The following CTNNA3 variants were observed in gnomAD, a reference collection of about 807,000 sequenced individuals.
The protein encoded by CTNNA3 is catenin alpha-3.
In CTNNA3, 76 loss-of-function variants were observed where a neutral mutation model predicts 95.7. The ratio of observed to expected loss-of-function variants is 0.79; its 90% CI spans 0.66 to 0.96. The LOEUF is 0.96. Ranked by LOEUF, CTNNA3 falls within the 40% of genes least tolerant of loss-of-function variation. The pLI, the probability that CTNNA3 is intolerant of heterozygous loss-of-function variation, is 0.00. For synonymous variants in CTNNA3, 431 were observed against 374.4 expected, an observed-to-expected ratio of 1.15 and a Z score of -1.74; for missense variants, 1,191 against 1,089.8, an observed-to-expected ratio of 1.09 and a Z score of -1.31.
At chr10:66,315,774 A>G (rs1343846170) in intron 12 of CTNNA3, among the ~76,000 whole-genome samples, 1 of 152,114 alleles carries the variant, frequency 6.6e-6, no homozygotes, top group Non-Finnish European at 1.5e-5. Context: ...AACAAAGGTA[A>G]CAAGTTTATT....
intron 12 of CTNNA3, among the ~76,000 whole-genome samples, chr10:66,300,938 A>T (rs2091853240): frequency 6.6e-6 from 1 of 152,014 alleles, no homozygotes; most frequent in Non-Finnish European, 1.5e-5. Context: ...TAGCCAGGTT[A>T]ACTAAAAAAA....
At chr10:65,993,633 C>G (rs1268684013) in intron 15 of CTNNA3, among the ~76,000 whole-genome samples, 1 of 152,130 alleles carries the variant, frequency 6.6e-6, no homozygotes, top group African/African-American at 2.4e-5. Flanking sequence ...TTCTATATGT[C>G]TTTACAAGTG....
intron 11 of CTNNA3, among the ~76,000 whole-genome samples, chr10:66,470,443 C>T (rs1473812353): frequency 3.3e-5 from 5 of 151,760 alleles, no homozygotes; most frequent in Non-Finnish European, 7.4e-5. Context: ...GTCAATCTGC[C>T]TGTTGTGCTT....
intron 11 of CTNNA3, among the ~76,000 whole-genome samples, chr10:66,506,944 C>T (rs1840469202): frequency 6.6e-6 from 1 of 152,042 alleles, no homozygotes; most frequent in African/African-American, 2.4e-5. Context: ...TATTGGTCAT[C>T]TTTTATCCCA....
intron 1 of CTNNA3, among the ~76,000 whole-genome samples, chr10:67,747,050 C>T (rs2131744852): frequency 6.6e-6 from 1 of 152,346 alleles, no homozygotes; most frequent in East Asian, 1.9e-4. Flanking sequence ...GACCCTGACA[C>T]ATCCCTCCTC....
chr10:66,233,665 G>T (rs1402603468), intron 13 of CTNNA3, among the ~76,000 whole-genome samples: 2 of 143,716 alleles, frequency 1.4e-5, no homozygotes, highest in African/African-American at 2.5e-5. Flanking sequence ...ATCATTGAGT[G>T]TTGGCCAAAA....
At chr10:65,965,393 CTTTTTTTTTTTTTT>C (rs561552884) in intron 17 of CTNNA3, among the ~76,000 whole-genome samples, 8 of 77,652 alleles carry the variant, frequency 1.0e-4, no homozygotes, top group African/African-American at 3.7e-4. Flanking sequence ...CTCCCCTCTA[CTTTTTTTTTTTTTT>C]TTTTTTTTTT....
intron 7 of CTNNA3, among the ~76,000 whole-genome samples, chr10:67,049,574 G>A (rs1288301152): frequency 6.6e-6 from 1 of 152,000 alleles, no homozygotes; most frequent in African/African-American, 2.4e-5. Flanking sequence ...ATTTCACAAG[G>A]TTGCTTTGTG....
rs1845997256 is a variant in CTNNA3 at position 66,906,617 on chromosome 10, T to G, written c.1048-131093A>C. 2.0e-5 allele frequency among the ~76,000 whole-genome samples: 3 copies of G among 152,094 alleles called. No homozygotes were observed. In the South Asian group the frequency reaches 6.2e-4, roughly 32 times the overall value. On this transcript the variant is annotated intron_variant, in intron 7 of 17. Coordinates refer to ENST00000433211, the MANE Select transcript of CTNNA3 (RefSeq NM_013266.4). ...TTTTCGATACAATATGAGGAACTAC[T>G]TTTGATCCTGTTTCAAAAATTGACA...
chr10:66,413,294 G>A (rs553343955), intron 11 of CTNNA3, among the ~76,000 whole-genome samples: 4 of 151,900 alleles, frequency 2.6e-5, no homozygotes, highest in African/African-American at 7.3e-5. Flanking sequence ...GTACCACTCC[G>A]GATTTACTGG....
chr10:65,961,538 T>C (rs2077843735), intron 17 of CTNNA3, among the ~76,000 whole-genome samples: 3 of 152,124 alleles, frequency 2.0e-5, no homozygotes. Flanking sequence ...ATGACTATGA[T>C]ATGTGTACTG....
chr10:65,976,565 T>TA (rs1165908140), intron 16 of CTNNA3, among the ~76,000 whole-genome samples: 2 of 152,172 alleles, frequency 1.3e-5, no homozygotes, highest in Admixed American at 6.5e-5. Flanking sequence ...ATATCTTGGT[T>TA]ATAACAGAAG....
chr10:66,715,089 C>G (rs978597539), intron 9 of CTNNA3, among the ~76,000 whole-genome samples: 1 of 152,114 alleles, frequency 6.6e-6, no homozygotes, highest in African/African-American at 2.4e-5. Flanking sequence ...TTCCATTCAT[C>G]TTTCCAGATC....
At position 66,252,141 on chromosome 10, in the gene CTNNA3, T is replaced by A. The variant is rs1045281010; in HGVS notation, c.1884+28329A>T. Among the ~76,000 whole-genome samples, 7 of 152,264 alleles carry A rather than the reference T, an allele frequency of 4.6e-5. No homozygotes were observed. The South Asian group carries it at 1.4e-3, about 32-fold the overall frequency. On this transcript the variant is annotated intron_variant, in intron 13 of 17. Transcript: ENST00000433211. Reference sequence around the variant, plus strand: ...GATGAGAGTAAAAAAGACAATGATATATATATTATTTACATTGCCCAAATG... The same window carrying A: ...GATGAGAGTAAAAAAGACAATGATAAATATATTATTTACATTGCCCAAATG...
intron 5 of CTNNA3, among the ~76,000 whole-genome samples, chr10:67,501,230 T>G (rs1839222380): frequency 6.6e-6 from 1 of 152,190 alleles, no homozygotes; most frequent in Non-Finnish European, 1.5e-5. Context: ...GAAGTTTAAT[T>G]TGGCTGGATA....
chr10:66,402,959 C>T (rs1446928453), intron 11 of CTNNA3, among the ~76,000 whole-genome samples: 1 of 152,104 alleles, frequency 6.6e-6, no homozygotes, highest in African/African-American at 2.4e-5. Context: ...AGTCACTCCC[C>T]CTACCTAGTT....
chr10:66,037,136 T>C (rs2079582033), intron 15 of CTNNA3, among the ~76,000 whole-genome samples: 1 of 152,056 alleles, frequency 6.6e-6, no homozygotes, highest in African/African-American at 2.4e-5. Context: ...CCTCCCAAAG[T>C]GCTGGGATTA....
chr10:67,362,148 A>T (rs995296731), intron 5 of CTNNA3, among the ~76,000 whole-genome samples: 2 of 152,150 alleles, frequency 1.3e-5, no homozygotes, highest in Admixed American at 6.6e-5. Flanking sequence ...AACCAATAAA[A>T]GCCCTGAACC....
At chr10:67,613,475 A>G (rs1843532957) in intron 2 of CTNNA3, among the ~76,000 whole-genome samples, 1 of 152,236 alleles carries the variant, frequency 6.6e-6, no homozygotes, top group Non-Finnish European at 1.5e-5. Context: ...GGGTTGCTAC[A>G]GCAAAATTAA....
Sources: gnomAD v4.1 joint callset for allele counts (sites outside exome capture counted in the v4.1 genomes callset) on GRCh38, gnomAD v4.1.1 for gene constraint, MANE v1.5 for transcripts, NCBI Gene and HGNC (gene_info 2026-07-23, HGNC 2026-07-21) for gene names.